ZNF804B: variants seen among roughly 807,000 people sequenced by gnomAD.
ZNF804B encodes zinc finger protein 804B, also known as zinc finger 804B.
ZNF804B carries 80 observed loss-of-function variants against 101.4 expected under a neutral mutation model. That is an observed-to-expected ratio of 0.79 (90% CI 0.66 to 0.95). The LOEUF is 0.95. Ranked by LOEUF, ZNF804B falls within the 40% of genes least tolerant of loss-of-function variation. The probability of loss-of-function intolerance (pLI) is 0.00; values close to 1 mark genes in which losing one functional copy is unlikely to be tolerated. For missense variants in ZNF804B, 1,673 were observed against 1,561.9 expected, an observed-to-expected ratio of 1.07 and a Z score of -1.20; for synonymous variants, 622 against 558.8, an observed-to-expected ratio of 1.11 and a Z score of -1.59.
At chr7:89,103,477 G>A (rs558521008) in intron 1 of ZNF804B, among the ~76,000 whole-genome samples, 2 of 145,952 alleles carry the variant, frequency 1.4e-5, no homozygotes, top group East Asian at 2.2e-4. Context: ...TATTTTGTGT[G>A]TGTGCATGTG....
chr7:89,195,034 T>C (rs554741862), intron 1 of ZNF804B, among the ~76,000 whole-genome samples: 2 of 151,892 alleles, frequency 1.3e-5, no homozygotes, highest in African/African-American at 2.4e-5. Context: ...GCTGGTTCAA[T>C]ATATGCAAAT....
intron 1 of ZNF804B, among the ~76,000 whole-genome samples, chr7:89,133,412 C>G (rs10273553): frequency 6.6e-6 from 1 of 151,886 alleles, no homozygotes; most frequent in Non-Finnish European, 1.5e-5. Context: ...AAAGCCTGCA[C>G]AAGGGACCTA....
At position 88,759,860 on chromosome 7, in the gene ZNF804B, T is replaced by C. The variant is rs1789864150; in HGVS notation, c.-117T>C. 1 of 797,354 alleles carries C rather than the reference T, an allele frequency of 1.3e-6. No homozygotes were observed. Among genetic ancestry groups the C allele is most frequent in the African/African-American group, 1.7e-5 (1 of 58,420 alleles). The allele number at this position is 797,354 out of a possible 1,614,324, so 49.4% of individuals were successfully genotyped here. A position where few individuals can be genotyped will look rare whatever the true frequency, so the allele number is the denominator to read the frequency against. On this transcript the variant is annotated 5_prime_UTR_variant, in exon 1 of 4. Coordinates refer to ENST00000333190, the MANE Select transcript of ZNF804B (RefSeq NM_181646.5). ...GCTGCCACCGCCTCCCCCTGCGTCC[T>C]GCTGGCCGCGTCTTCTCGGGAGGTG...
intron 1 of ZNF804B, among the ~76,000 whole-genome samples, chr7:88,883,821 T>C (rs1333347190): frequency 8.6e-6 from 1 of 116,432 alleles, no homozygotes; most frequent in Admixed American, 8.4e-5. Context: ...TGTGTGTGTT[T>C]AAGTAATAGT....
At chr7:89,037,396 A>G (rs1788943808) in intron 1 of ZNF804B, among the ~76,000 whole-genome samples, 1 of 152,108 alleles carries the variant, frequency 6.6e-6, no homozygotes, top group African/African-American at 2.4e-5. Flanking sequence ...ATCAAACCAA[A>G]TCAATTTAAC....
At chr7:88,926,484 A>C (rs558114144) in intron 1 of ZNF804B, among the ~76,000 whole-genome samples, 1 of 151,402 alleles carries the variant, frequency 6.6e-6, no homozygotes, top group East Asian at 2.0e-4. Flanking sequence ...AGTCCCAGTT[A>C]CTCAGGAGGC....
chr7:89,238,506 T>G (rs1789316994), intron 2 of ZNF804B, among the ~76,000 whole-genome samples: 1 of 152,178 alleles, frequency 6.6e-6, no homozygotes, highest in Non-Finnish European at 1.5e-5. Context: ...AGAGCAAATT[T>G]GTTTTGTGAA....
chr7:88,988,062 A>G (rs1258725191), intron 1 of ZNF804B, among the ~76,000 whole-genome samples: 2 of 151,950 alleles, frequency 1.3e-5, no homozygotes, highest in Non-Finnish European at 2.9e-5. Flanking sequence ...TTTAAGAATG[A>G]GAACATGCGA....
chr7:89,279,019 A>T lies in ZNF804B; in HGVS notation c.250-48325A>T, dbSNP rs1482882704. Among the ~76,000 whole-genome samples the T allele has an allele frequency of 7.9e-5, 12 of 152,140 alleles. No homozygotes were observed. The East Asian group carries it at 1.2e-3, about 15-fold the overall frequency. ...TCTTCCATTTGTTTGTATCCTCTTT[A>T]ATTTCATTGAGCAGTGGTTTGTAGT... On this transcript the variant is annotated intron_variant, in intron 2 of 3. Coordinates refer to ENST00000333190, the MANE Select transcript of ZNF804B (RefSeq NM_181646.5).
Position 89,335,764 on chromosome 7 carries a change from CT to C in ZNF804B, c.2786del (p.Leu929Ter). The C allele has an allele frequency of 6.2e-7, 1 of 1,613,982 alleles. No homozygotes were observed. The highest frequency in any genetic ancestry group is 8.5e-7 in the Non-Finnish European group (1 of 1,179,950). ...GAGGACCCCTCTAACAGCAAAAATC[CT>C]TTTAGAAAGAGTACAAGCCAAGAAA... ...GERTPLTAKI[L>X]LERVQAKKCQ... On this transcript the variant is annotated frameshift_variant, in exon 4 of 4. Coordinates refer to ENST00000333190, the MANE Select transcript of ZNF804B (RefSeq NM_181646.5). LOFTEE classifies it high-confidence loss of function.
intron 1 of ZNF804B, among the ~76,000 whole-genome samples, chr7:89,045,758 C>G (rs1789094783): frequency 6.6e-6 from 1 of 152,034 alleles, no homozygotes; most frequent in South Asian, 2.1e-4. Flanking sequence ...GGAAGTAACT[C>G]CTTTGCTTTT....
chr7:89,030,950 T>G (rs1788822507), intron 1 of ZNF804B, among the ~76,000 whole-genome samples: 1 of 152,030 alleles, frequency 6.6e-6, no homozygotes, highest in Admixed American at 6.6e-5. Flanking sequence ...ATGCCCTTCC[T>G]TTGGCCTTCA....
At chr7:88,971,411 T>C (rs993622662) in intron 1 of ZNF804B, among the ~76,000 whole-genome samples, 14 of 151,690 alleles carry the variant, frequency 9.2e-5, no homozygotes, top group Non-Finnish European at 7.4e-5. Flanking sequence ...TATATTATCA[T>C]GTACAAAACT....
At chr7:89,297,456 G>A (rs940229420) in intron 2 of ZNF804B, among the ~76,000 whole-genome samples, 9 of 151,936 alleles carry the variant, frequency 5.9e-5, no homozygotes, top group Admixed American at 4.6e-4. Flanking sequence ...GGAGACAAAC[G>A]TACTGGAGAC....
intron 1 of ZNF804B, among the ~76,000 whole-genome samples, chr7:89,183,375 T>G (rs1584037916): frequency 6.6e-6 from 1 of 151,948 alleles, no homozygotes; most frequent in East Asian, 1.9e-4. Context: ...TATATTTAAA[T>G]TAAACTAGAG....
intron 1 of ZNF804B, among the ~76,000 whole-genome samples, chr7:88,918,767 G>T (rs1325379638): frequency 1.3e-5 from 2 of 152,034 alleles, no homozygotes; most frequent in Non-Finnish European, 2.9e-5. Flanking sequence ...GAGTGGGATT[G>T]GGGGGTGAGG....
intron 1 of ZNF804B, among the ~76,000 whole-genome samples, chr7:89,083,543 AAC>A (rs974451328): frequency 2.5e-5 from 3 of 117,896 alleles, no homozygotes; most frequent in Non-Finnish European, 6.1e-5. Flanking sequence ...TATATTCAGA[AAC>A]ACATGTGTTT....
chr7:88,931,094 A>G (rs1334764905), intron 1 of ZNF804B, among the ~76,000 whole-genome samples: 2 of 151,872 alleles, frequency 1.3e-5, no homozygotes, highest in African/African-American at 4.8e-5. Context: ...GTTTTGCCTC[A>G]GTGAGTCAGT....
intron 2 of ZNF804B, among the ~76,000 whole-genome samples, chr7:89,296,551 T>C (rs1316460002): frequency 6.6e-6 from 1 of 152,074 alleles, no homozygotes; most frequent in African/African-American, 2.4e-5. Context: ...TAGGTTTTTC[T>C]ACAAGGCTCA....
Sources: gnomAD v4.1 joint callset for allele counts (sites outside exome capture counted in the v4.1 genomes callset) on GRCh38, gnomAD v4.1.1 for gene constraint, MANE v1.5 for transcripts, NCBI Gene and HGNC (gene_info 2026-07-23, HGNC 2026-07-21) for gene names.